The following USP34 variants were observed in gnomAD, a reference collection of about 807,000 sequenced individuals.
USP34 encodes the protein ubiquitin specific peptidase 34, also known as ubiquitin carboxyl-terminal hydrolase 34.
USP34 carries 70 observed loss-of-function variants against 460.3 expected under a neutral mutation model. That is an observed-to-expected ratio of 0.15 (90% CI 0.13 to 0.19). The LOEUF (loss-of-function observed/expected upper bound fraction) is 0.19, where lower values mean the gene tolerates loss of function less well. Among genes scored for constraint, USP34 ranks in the 10% least tolerant of loss-of-function variants. The probability of loss-of-function intolerance (pLI) is 1.00; values close to 1 mark genes in which losing one functional copy is unlikely to be tolerated. For synonymous variants in USP34, 1,647 were observed against 1,405.3 expected, an observed-to-expected ratio of 1.17 and a Z score of -3.85; for missense variants, 3,985 against 4,236.2, an observed-to-expected ratio of 0.94 and a Z score of 1.65.
rs537937768 is a variant in USP34, at chr2:61,349,542, T to TA, written c.1508-258dup. Among the ~76,000 whole-genome samples, 149 of 151,640 alleles carry TA rather than the reference T, an allele frequency of 9.8e-4. 1 individual carries two copies. The highest frequency in any genetic ancestry group is 6.3e-3 in the South Asian group (30 of 4,800). Reference sequence around the variant, plus strand: ...GAAAGCCCTTGAAAGCTATGTATGTTAAAAAAAATACCCACTGGCCAGATG... The same window carrying TA: ...GAAAGCCCTTGAAAGCTATGTATGTTAAAAAAAAATACCCACTGGCCAGATG... On this transcript the variant is annotated intron_variant, in intron 12 of 79. Coordinates refer to ENST00000398571, the MANE Select transcript of USP34 (RefSeq NM_014709.4).
intron 44 of USP34, among the ~76,000 whole-genome samples, chr2:61,258,624 G>C (rs1047068579): frequency 6.6e-5 from 10 of 152,214 alleles, no homozygotes; most frequent in African/African-American, 2.2e-4. Flanking sequence ...AGAGGGATAA[G>C]ATAGGAGGTT....
In USP34 at chr2:61,301,349, T is replaced by C. The variant is rs1221571471; in HGVS notation, c.3918+5A>G. ...TAAAACTCAAACCACGTTTTATATA[T>C]GTACCTGCATATCCTTAAAACCAAG... On this transcript the variant is annotated splice_donor_5th_base_variant and intron_variant, in intron 28 of 79. Coordinates refer to ENST00000398571, the MANE Select transcript of USP34 (RefSeq NM_014709.4). The C allele has an allele frequency of 3.1e-6, 5 of 1,612,468 alleles. No individual in the cohort carries two copies. Among genetic ancestry groups the C allele is most frequent in the Non-Finnish European group, 4.2e-6 (5 of 1,179,424 alleles).
At chr2:61,215,980 G>C (rs543741151) in intron 67 of USP34, among the ~76,000 whole-genome samples, 29 of 152,266 alleles carry the variant, frequency 1.9e-4, no homozygotes, top group African/African-American at 6.7e-4. Flanking sequence ...TCTAATGTCT[G>C]AGTTTGGGTT....
At chr2:61,300,809 A>C (rs1184112164) in intron 29 of USP34, 142 bp downstream of exon 29, 7 of 443,524 alleles carry the variant, frequency 1.6e-5, no homozygotes, top group African/African-American at 9.0e-5. Context: ...AAAAGAAAAC[A>C]AAAAAAAAAT....
At chr2:61,362,580 T>C (rs1692307771) in intron 10 of USP34, among the ~76,000 whole-genome samples, 2 of 152,186 alleles carry the variant, frequency 1.3e-5, no homozygotes, top group African/African-American at 4.8e-5. Flanking sequence ...AAATGCTGCA[T>C]AGTCTCACTT....
chr2:61,405,668 C>G, intron 3 of USP34, 40 bp downstream of exon 3: 1 of 1,478,868 alleles, frequency 6.8e-7, no homozygotes, highest in Non-Finnish European at 9.0e-7. Context: ...GAAGTTAAGA[C>G]TTGGTATTAC....
At chr2:61,409,441 C>T (rs552698597) in intron 2 of USP34, among the ~76,000 whole-genome samples, 1 of 151,978 alleles carries the variant, frequency 6.6e-6, no homozygotes, top group Non-Finnish European at 1.5e-5. Flanking sequence ...GGGCCGGACA[C>T]GGTGGCTCAT....
At chr2:61,377,571 C>G (rs923227751) in intron 8 of USP34, among the ~76,000 whole-genome samples, 5 of 152,164 alleles carry the variant, frequency 3.3e-5, no homozygotes, top group Non-Finnish European at 5.9e-5. Flanking sequence ...ACCCCAGAGA[C>G]CTCTCTACCT....
intron 67 of USP34, among the ~76,000 whole-genome samples, chr2:61,216,101 A>C (rs750271622): frequency 9.9e-5 from 15 of 152,154 alleles, no homozygotes; most frequent in Non-Finnish European, 1.6e-4. Flanking sequence ...ATTTTAGTTT[A>C]TTTTACAAAT....
At chr2:61,455,372 T>G (rs1443382755) in intron 1 of USP34, among the ~76,000 whole-genome samples, 9 of 151,988 alleles carry the variant, frequency 5.9e-5, no homozygotes, top group Non-Finnish European at 1.3e-4. Flanking sequence ...GAGACAGAAT[T>G]TCACCATGTT....
At chr2:61,322,638 A>G (rs913569772) in intron 21 of USP34, among the ~76,000 whole-genome samples, 7 of 152,214 alleles carry the variant, frequency 4.6e-5, no homozygotes, top group Non-Finnish European at 1.0e-4. Flanking sequence ...AGTAGATGAA[A>G]TGACAAAATA....
intron 49 of USP34, among the ~76,000 whole-genome samples, chr2:61,248,017 T>C (rs559357052): frequency 1.6e-4 from 25 of 151,880 alleles, no homozygotes; most frequent in African/African-American, 5.8e-4. Flanking sequence ...CGAAACCTTG[T>C]CTCTACTAAA....
intron 59 of USP34, 91 bp downstream of exon 59, chr2:61,229,457 T>TA (rs57231258): frequency 0.055 from 21,101 of 380,486 alleles, 798 homozygotes; most frequent in African/African-American, 0.075. Flanking sequence ...CCCTATCTCT[T>TA]AAAAAAAAAA....
intron 29 of USP34, among the ~76,000 whole-genome samples, chr2:61,298,436 G>A: frequency 6.8e-6 from 1 of 146,424 alleles, no homozygotes; most frequent in East Asian, 2.0e-4. Context: ...TACTCAGGAG[G>A]CTGAGGCAGG....
rs1262402933 is a variant in USP34, at chr2:61,222,638, A to G, written c.7775T>C (p.Ile2592Thr). The change falls in exon 65 of 80, where the codon ATA (isoleucine) becomes ACA (threonine). Residue 2592 changes from isoleucine (I) to threonine (T), a missense_variant. This residue lies in a region of USP34 where 604 missense variants were observed against 684.8 expected (regional missense o/e 0.88). Transcript: ENST00000398571. ...EHIVSMLFTSIAKLTPEAANP... is the reference protein window; with the variant it reads ...EHIVSMLFTSTAKLTPEAANP... ...ACATACCTCAGGAGTCAACTTTGCT[A>G]TTGATGTGAAAAGCATAGATACAAT... 3 of 1,612,456 alleles carry G rather than the reference A, an allele frequency of 1.9e-6. No individual in the cohort carries two copies. Among genetic ancestry groups the G allele is most frequent in the East Asian group, 2.2e-5 (1 of 44,840 alleles).
chr2:61,383,122 T>TA, intron 6 of USP34, 147 bp downstream of exon 6: 1 of 462,570 alleles, frequency 2.2e-6, no homozygotes, highest in East Asian at 3.5e-5. Context: ...TATATGTGCA[T>TA]AAAAAACACT....
chr2:61,390,331 A>T (rs771209650), intron 5 of USP34, among the ~76,000 whole-genome samples: 3 of 152,254 alleles, frequency 2.0e-5, no homozygotes, highest in Non-Finnish European at 4.4e-5. Flanking sequence ...AACCAAGTGT[A>T]ACTCAACAAA....
intron 27 of USP34, among the ~76,000 whole-genome samples, chr2:61,309,771 G>T (rs557411640): frequency 2.0e-5 from 3 of 152,158 alleles, no homozygotes; most frequent in African/African-American, 7.2e-5. Flanking sequence ...AGATACTACT[G>T]TTGGATATTC....
intron 6 of USP34, among the ~76,000 whole-genome samples, chr2:61,380,858 C>G (rs1692947897): frequency 6.6e-6 from 1 of 152,210 alleles, no homozygotes; most frequent in Admixed American, 6.5e-5. Context: ...GATGCTCCAA[C>G]TGACATGAAG....
Sources: allele counts gnomAD v4.1 joint callset (sites outside exome capture counted in the v4.1 genomes callset), GRCh38; gene constraint gnomAD v4.1.1; regional missense constraint gnomAD v4.1.1; transcripts MANE v1.5; gene names NCBI Gene and HGNC (gene_info 2026-07-23, HGNC 2026-07-21).